The following INPP4B variants were observed in gnomAD, a reference collection of about 807,000 sequenced individuals.
INPP4B encodes the protein inositol polyphosphate-4-phosphatase type II B.
A neutral mutation model predicts 122.5 loss-of-function variants in INPP4B; 55 were observed. That is an observed-to-expected ratio of 0.45 (90% confidence interval 0.36 to 0.56). The LOEUF is 0.56. Ranked by LOEUF, INPP4B falls within the 20% of genes least tolerant of loss-of-function variation. The probability of loss-of-function intolerance (pLI) is 0.00; values close to 1 mark genes in which losing one functional copy is unlikely to be tolerated. For missense variants in INPP4B, 1,000 were observed against 1,097.7 expected, an observed-to-expected ratio of 0.91 and a Z score of 1.26; for synonymous variants, 403 against 388.7, an observed-to-expected ratio of 1.04 and a Z score of -0.43.
At chr4:142,432,505 A>G (rs1809542268) in intron 3 of INPP4B, among the ~76,000 whole-genome samples, 1 of 152,128 alleles carries the variant, frequency 6.6e-6, no homozygotes, top group Admixed American at 6.6e-5. Flanking sequence ...GTAGAAGGCT[A>G]TTGCACCATC....
At chr4:142,802,637 C>G (rs1431690237) in intron 1 of INPP4B, among the ~76,000 whole-genome samples, 1 of 152,110 alleles carries the variant, frequency 6.6e-6, no homozygotes, top group Non-Finnish European at 1.5e-5. Flanking sequence ...TAGCATTTTT[C>G]TCAAAGAACT....
chr4:142,323,806 G>C (rs1771242028), intron 7 of INPP4B, among the ~76,000 whole-genome samples: 1 of 151,338 alleles, frequency 6.6e-6, no homozygotes, highest in South Asian at 2.1e-4. Flanking sequence ...CCTTCCAGCA[G>C]ACAGGTGCCC....
At chr4:142,097,364 C>T (rs959727296) in intron 23 of INPP4B, among the ~76,000 whole-genome samples, 1 of 151,856 alleles carries the variant, frequency 6.6e-6, no homozygotes, top group Non-Finnish European at 1.5e-5. Context: ...AAGCAATTAT[C>T]CTGCCTCAGT....
intron 1 of INPP4B, among the ~76,000 whole-genome samples, chr4:142,831,122 G>C (rs976376229): frequency 2.0e-5 from 3 of 152,110 alleles, no homozygotes; most frequent in African/African-American, 7.2e-5. Flanking sequence ...TGGAAACAAA[G>C]ATGTGAGAGG....
intron 2 of INPP4B, among the ~76,000 whole-genome samples, chr4:142,577,371 A>G (rs1363372508): frequency 6.6e-6 from 1 of 152,020 alleles, no homozygotes; most frequent in Non-Finnish European, 1.5e-5. Context: ...ATACCATTGT[A>G]TGTATTTTCT....
intron 25 of INPP4B, among the ~76,000 whole-genome samples, chr4:142,059,063 A>C (rs1438043635): frequency 6.6e-6 from 1 of 152,178 alleles, no homozygotes; most frequent in Non-Finnish European, 1.5e-5. Flanking sequence ...ATATTTAGTC[A>C]CTTTTCTAGT....
intron 25 of INPP4B, among the ~76,000 whole-genome samples, chr4:142,067,031 G>A (rs981232494): frequency 2.6e-5 from 4 of 152,196 alleles, no homozygotes; most frequent in African/African-American, 9.7e-5. Context: ...CTCCTCTAGT[G>A]GGTCCCTGAC....
chr4:142,510,688 TCCCAC>T (rs1296634098), intron 2 of INPP4B, among the ~76,000 whole-genome samples: 1 of 152,158 alleles, frequency 6.6e-6, no homozygotes, highest in Non-Finnish European at 1.5e-5. Flanking sequence ...TTTTTATTTG[TCCCAC>T]ATTTAGAGCT....
At chr4:142,266,791 C>T (rs1309577319) in intron 10 of INPP4B, among the ~76,000 whole-genome samples, 1 of 151,780 alleles carries the variant, frequency 6.6e-6, no homozygotes, top group Non-Finnish European at 1.5e-5. Flanking sequence ...TTGCTAATAA[C>T]GTGATCTTTT....
chr4:142,146,768 C>T (rs1464144308), intron 17 of INPP4B, among the ~76,000 whole-genome samples: 2 of 152,144 alleles, frequency 1.3e-5, no homozygotes, highest in Non-Finnish European at 2.9e-5. Flanking sequence ...ATACTTCTGA[C>T]CATACTGTCT....
intron 1 of INPP4B, among the ~76,000 whole-genome samples, chr4:142,815,462 C>G (rs1187131541): frequency 6.6e-6 from 1 of 152,076 alleles, no homozygotes; most frequent in East Asian, 1.9e-4. Flanking sequence ...CCATACTGTT[C>G]TAGGATAATG....
At chr4:142,615,140 T>C (rs147255344) in intron 2 of INPP4B, among the ~76,000 whole-genome samples, 2,906 of 152,256 alleles carry the variant, frequency 0.019, 35 homozygotes, top group South Asian at 0.029. Flanking sequence ...TTTATTTTTA[T>C]TTTAAAAGGT....
At chr4:142,254,184 C>T (rs1206314181) in intron 11 of INPP4B, among the ~76,000 whole-genome samples, 1 of 152,102 alleles carries the variant, frequency 6.6e-6, no homozygotes, top group Non-Finnish European at 1.5e-5. Flanking sequence ...AAAGGACATC[C>T]ACACCAAAAA....
At chr4:142,816,193 T>C (rs1050776865) in intron 1 of INPP4B, among the ~76,000 whole-genome samples, 2 of 152,106 alleles carry the variant, frequency 1.3e-5, no homozygotes, top group African/African-American at 4.8e-5. Flanking sequence ...AGATATCTTA[T>C]TGAAGGGATG....
intron 2 of INPP4B, among the ~76,000 whole-genome samples, chr4:142,671,830 T>C (rs1757043166): frequency 6.6e-6 from 1 of 152,164 alleles, no homozygotes; most frequent in African/African-American, 2.4e-5. Flanking sequence ...ACTAGCTTTA[T>C]CAAGTATATT....
chr4:142,265,831 AAGC>A (rs753591195), intron 10 of INPP4B, among the ~76,000 whole-genome samples: 2 of 152,170 alleles, frequency 1.3e-5, no homozygotes, highest in Non-Finnish European at 2.9e-5. Context: ...TCATGTTCCT[AAGC>A]CAGAAACACT....
At chr4:142,841,032 T>C (rs950329974) in intron 1 of INPP4B, among the ~76,000 whole-genome samples, 3 of 151,890 alleles carry the variant, frequency 2.0e-5, no homozygotes, top group Non-Finnish European at 4.4e-5. Context: ...AGACAAGAAA[T>C]TTTTACTTTT....
At chr4:142,069,700 A>G (rs1057472225) in intron 25 of INPP4B, among the ~76,000 whole-genome samples, 1 of 152,216 alleles carries the variant, frequency 6.6e-6, no homozygotes, top group Non-Finnish European at 1.5e-5. Context: ...AGAATACTAT[A>G]AACACCTCTA....
At chr4:142,179,941 C>A (rs1241520106) in intron 15 of INPP4B, among the ~76,000 whole-genome samples, 2 of 152,074 alleles carry the variant, frequency 1.3e-5, no homozygotes, top group African/African-American at 4.8e-5. Context: ...AGATAATACC[C>A]AAACCTGGTC....
Sources: allele counts gnomAD v4.1 joint callset (sites outside exome capture counted in the v4.1 genomes callset), GRCh38; gene constraint gnomAD v4.1.1; transcripts MANE v1.5; gene names NCBI Gene and HGNC (gene_info 2026-07-23, HGNC 2026-07-21).